RAB27B: variants seen among roughly 807,000 people sequenced by gnomAD.
RAB27B encodes ras-related protein Rab-27B.
Under a neutral mutation model 24.6 loss-of-function variants are expected in RAB27B, and 15 were observed. The observed-to-expected ratio is 0.61, with a 90% CI of 0.41 to 0.94. The LOEUF (loss-of-function observed/expected upper bound fraction) is 0.94. Among genes scored for constraint, RAB27B ranks in the 40% least tolerant of loss-of-function variants. The pLI is 0.00. For missense variants in RAB27B, 261 were observed against 266.8 expected (o/e 0.98, Z 0.15); for synonymous variants, 105 against 92.5 (o/e 1.14, Z -0.78).
chr18:54,808,800 G>A (rs1393511837), intron 2 of RAB27B, among the ~76,000 whole-genome samples: 2 of 152,084 alleles, frequency 1.3e-5, no homozygotes, highest in African/African-American at 4.8e-5. Flanking sequence ...TAAATGAACA[G>A]AATAAATATG....
intron 2 of RAB27B, among the ~76,000 whole-genome samples, chr18:54,813,060 A>G (rs1266478677): frequency 6.6e-6 from 1 of 152,190 alleles, no homozygotes; most frequent in Non-Finnish European, 1.5e-5. Flanking sequence ...CCTTGTTCTC[A>G]TGCTGCTTTC....
At chr18:54,844,871 A>G (rs1453893679) in intron 1 of RAB27B, among the ~76,000 whole-genome samples, 2 of 151,966 alleles carry the variant, frequency 1.3e-5, no homozygotes, top group African/African-American at 4.8e-5. Flanking sequence ...GGGTGTCTTT[A>G]TGTGTGGGTG....
At chr18:54,860,004 G>A (rs1249837279) in intron 1 of RAB27B, among the ~76,000 whole-genome samples, 1 of 152,144 alleles carries the variant, frequency 6.6e-6, no homozygotes, top group East Asian at 1.9e-4. Context: ...TTGTTCTGAT[G>A]AAGTTGGTGA....
chr18:54,863,544 C>G (rs1266926044), intron 1 of RAB27B, among the ~76,000 whole-genome samples: 1 of 152,030 alleles, frequency 6.6e-6, no homozygotes, highest in African/African-American at 2.4e-5. Flanking sequence ...TAAAATCTAC[C>G]CTTTTAAAGA....
intron 3 of RAB27B, chr18:54,879,682 A>G (rs1912843599): frequency 2.1e-6 from 1 of 479,364 alleles, no homozygotes; most frequent in African/African-American, 1.9e-5. Flanking sequence ...AATCTCTCTG[A>G]AGATTCTTGC....
At chr18:54,804,568 CAG>C (rs1045796558) in intron 2 of RAB27B, among the ~76,000 whole-genome samples, 2 of 152,160 alleles carry the variant, frequency 1.3e-5, no homozygotes, top group Non-Finnish European at 2.9e-5. Context: ...AGTGTGAAAA[CAG>C]ACTAATTCAA....
chr18:54,731,803 T>C (rs772648069), intron 2 of RAB27B, among the ~76,000 whole-genome samples: 1 of 152,180 alleles, frequency 6.6e-6, no homozygotes, highest in African/African-American at 2.4e-5. Context: ...ATGACAAAGA[T>C]CAATGTCATA....
At chr18:54,875,340 T>TA (rs1434534078) in intron 1 of RAB27B, among the ~76,000 whole-genome samples, 2 of 151,900 alleles carry the variant, frequency 1.3e-5, no homozygotes, top group Non-Finnish European at 2.9e-5. Context: ...CAAAAACAAA[T>TA]TTTTTTTTGG....
intron 1 of RAB27B, among the ~76,000 whole-genome samples, chr18:54,831,978 G>C (rs935836610): frequency 1.1e-4 from 17 of 152,288 alleles, no homozygotes; most frequent in Non-Finnish European, 2.2e-4. Flanking sequence ...GTTTCACCAT[G>C]TTGGTCGGGA....
At chr18:54,754,162 C>T (rs917134362) in intron 2 of RAB27B, among the ~76,000 whole-genome samples, 35 of 103,430 alleles carry the variant, frequency 3.4e-4, no homozygotes, top group Non-Finnish European at 1.5e-4. Flanking sequence ...GGGCAATTTC[C>T]CCCACGCTGT....
At chr18:54,792,982 A>G (rs974621280) in intron 2 of RAB27B, among the ~76,000 whole-genome samples, 4 of 152,184 alleles carry the variant, frequency 2.6e-5, no homozygotes, top group Non-Finnish European at 4.4e-5. Context: ...AGCCTTCTGT[A>G]TATACGGATT....
chr18:54,890,252 C>T lies in RAB27B; in HGVS notation c.*839C>T, dbSNP rs1913316779. 6.6e-6 allele frequency: 1 copy of T among 152,084 alleles called. No homozygotes were observed. 9.4% of individuals were successfully genotyped at this position (152,084 alleles called of 1,614,324 possible). The stretch of plus-strand genomic sequence containing the variant: ...TTATCAGTTGGAATTAAGAGAACTC[C>T]AGAGGTTTCCATTTCAAACAAAATT... On this transcript the variant is annotated 3_prime_UTR_variant, in exon 6 of 6. Transcript: ENST00000262094.
chr18:54,846,173 T>C (rs1037985623), intron 1 of RAB27B, among the ~76,000 whole-genome samples: 4 of 152,206 alleles, frequency 2.6e-5, no homozygotes, highest in Admixed American at 2.0e-4. Context: ...AAGGAGAAGA[T>C]ACATAGATAA....
chr18:54,824,114 C>A (rs1157479434), upstream of RAB27B, among the ~76,000 whole-genome samples: 1 of 152,180 alleles, frequency 6.6e-6, no homozygotes, highest in African/African-American at 2.4e-5. Context: ...CACAGATAGT[C>A]TTTCCCTCTG....
chr18:54,853,962 A>G (rs917166969), intron 1 of RAB27B, among the ~76,000 whole-genome samples: 2 of 152,028 alleles, frequency 1.3e-5, no homozygotes, highest in African/African-American at 4.8e-5. Context: ...TGTCTTTATA[A>G]CTTCCAGATG....
At chr18:54,759,960 C>T (rs1290299172) in intron 2 of RAB27B, among the ~76,000 whole-genome samples, 1 of 152,154 alleles carries the variant, frequency 6.6e-6, no homozygotes, top group African/African-American at 2.4e-5. Flanking sequence ...CAATTTGTTC[C>T]TGCAACCTGA....
intron 2 of RAB27B, among the ~76,000 whole-genome samples, chr18:54,721,453 C>T (rs1448234460): frequency 7.9e-5 from 12 of 152,158 alleles, no homozygotes; most frequent in African/African-American, 2.9e-4. Flanking sequence ...TGCTCTTTCA[C>T]ATAATAGTGA....
At chr18:54,809,345 G>GA (rs1443022134) in intron 2 of RAB27B, among the ~76,000 whole-genome samples, 3 of 152,158 alleles carry the variant, frequency 2.0e-5, no homozygotes, top group African/African-American at 7.2e-5. Flanking sequence ...AGTATGCACT[G>GA]AAGAGCTGCT....
At chr18:54,795,607 A>G (rs1909391588) in intron 2 of RAB27B, among the ~76,000 whole-genome samples, 2 of 152,218 alleles carry the variant, frequency 1.3e-5, no homozygotes, top group Admixed American at 1.3e-4. Flanking sequence ...GGAAGTGATG[A>G]TCTAGTAAGT....
Sources: gnomAD v4.1 joint callset for allele counts (sites outside exome capture counted in the v4.1 genomes callset) on GRCh38, gnomAD v4.1.1 for gene constraint, MANE v1.5 for transcripts, NCBI Gene and HGNC (gene_info 2026-07-23, HGNC 2026-07-21) for gene names.